CTNND2: variants seen among roughly 807,000 people sequenced by gnomAD.
CTNND2 encodes catenin delta-2.
CTNND2 carries 22 observed loss-of-function variants against 144.4 expected under a neutral mutation model. The observed-to-expected ratio is 0.15, with a 90% CI of 0.11 to 0.22. The LOEUF (loss-of-function observed/expected upper bound fraction) is 0.22, where lower values mean the gene tolerates loss of function less well. Among genes scored for constraint, CTNND2 ranks in the 10% least tolerant of loss-of-function variants. CTNND2 has a pLI of 1.00. For synonymous variants in CTNND2, 751 were observed against 695.6 expected, an observed-to-expected ratio of 1.08 and a Z score of -1.25; for missense variants, 1,353 against 1,618.8, an observed-to-expected ratio of 0.84 and a Z score of 2.82.
intron 8 of CTNND2, among the ~76,000 whole-genome samples, chr5:11,361,488 CCCG>C (rs1756447647): frequency 1.3e-5 from 2 of 152,186 alleles, no homozygotes; most frequent in Admixed American, 1.3e-4. Flanking sequence ...TTCCACACAA[CCCG>C]TGTGACCTTC....
chr5:11,488,954 C>A (rs2149989792), intron 3 of CTNND2, among the ~76,000 whole-genome samples: 1 of 152,266 alleles, frequency 6.6e-6, no homozygotes, highest in Admixed American at 6.5e-5. Context: ...TTTAAGCATT[C>A]ACTAGTTGAG....
rs990721673 is a variant in CTNND2 at position 11,271,679 on chromosome 5, G to A, written c.1629-34856C>T. Reference sequence around the variant, plus strand: ...AGGGAATGATGGGCTTAGATGATACGCTGCAAAGGATTATGTTGTACCTTT... The same window carrying A: ...AGGGAATGATGGGCTTAGATGATACACTGCAAAGGATTATGTTGTACCTTT... On this transcript the variant is annotated intron_variant, in intron 9 of 21. Transcript: ENST00000304623. Among the ~76,000 whole-genome samples, 109 of 152,242 alleles carry A rather than the reference G, an allele frequency of 7.2e-4. 1 individual carries two copies. The highest frequency in any genetic ancestry group is 2.4e-3 in the African/African-American group (100 of 41,554).
intron 2 of CTNND2, among the ~76,000 whole-genome samples, chr5:11,718,168 G>C (rs1293802163): frequency 6.6e-6 from 1 of 152,120 alleles, no homozygotes; most frequent in Admixed American, 6.5e-5. Context: ...CCATATTCCA[G>C]GCACTACGAC....
rs151270671 is a variant in CTNND2, at chr5:10,988,153, C to T, written c.3301G>A (p.Gly1101Arg). The T allele has an allele frequency of 3.7e-6, 6 of 1,614,198 alleles. No homozygotes were observed. Among genetic ancestry groups the T allele is most frequent in the African/African-American group, 1.3e-5 (1 of 75,058 alleles). The change falls in exon 20 of 22, where the codon GGA becomes AGA. Residue 1101 changes from glycine (G) to arginine (R), a missense_variant. By Grantham distance (125) the Gly-to-Arg change is moderately radical. Around this residue, in one of 4 missense-constraint regions of CTNND2, gnomAD observed 459 missense variants for 674.3 expected, o/e 0.68. Coordinates refer to ENST00000304623, the MANE Select transcript of CTNND2 (RefSeq NM_001332.4). This position sits in a 1 kb window ranked among gnomAD's most constrained non-coding sequence, Gnocchi z 5.9. ...ECTGSNATYH[G>R]AKGEHTSRKD... ...CTGGAAGTGTGTTCGCCTTTAGCTC[C>T]GTGGTAGGTGGCGTTGCTGCCGGTG...
chr5:11,401,837 C>T (rs1469587844), intron 5 of CTNND2, among the ~76,000 whole-genome samples: 1 of 152,148 alleles, frequency 6.6e-6, no homozygotes, highest in African/African-American at 2.4e-5. Context: ...TCTGTCACAA[C>T]AAATTGTAAT....
intron 1 of CTNND2, among the ~76,000 whole-genome samples, chr5:11,844,393 CAT>C (rs767175615): frequency 5.9e-5 from 9 of 151,956 alleles, no homozygotes; most frequent in South Asian, 2.1e-4. Flanking sequence ...CACACACACA[CAT>C]ACACACACAT....
chr5:11,133,384 C>T (rs1235960788), intron 12 of CTNND2, among the ~76,000 whole-genome samples: 2 of 151,934 alleles, frequency 1.3e-5, no homozygotes, highest in Non-Finnish European at 2.9e-5. Flanking sequence ...CGCAGTTTCA[C>T]TCTTGTTGCC....
chr5:11,686,716 T>C (rs1418789264), intron 2 of CTNND2, among the ~76,000 whole-genome samples: 6 of 150,162 alleles, frequency 4.0e-5, no homozygotes, highest in Admixed American at 4.0e-4. Context: ...AAGTAATGCA[T>C]ATATAATTTT....
At chr5:11,443,219 G>GTGTGTA (rs1764443319) in intron 3 of CTNND2, among the ~76,000 whole-genome samples, 1 of 119,440 alleles carries the variant, frequency 8.4e-6, no homozygotes, top group Non-Finnish European at 1.8e-5. Flanking sequence ...TGTGTGTGTG[G>GTGTGTA]TGTGTATGTG....
chr5:11,870,524 C>CTT (rs1230443129), intron 1 of CTNND2, among the ~76,000 whole-genome samples: 1 of 152,222 alleles, frequency 6.6e-6, no homozygotes, highest in African/African-American at 2.4e-5. Flanking sequence ...AATTCCCTGA[C>CTT]TTAAGTAAGC....
intron 17 of CTNND2, among the ~76,000 whole-genome samples, chr5:11,018,335 C>A (rs545948648): frequency 1.0e-3 from 157 of 152,228 alleles, no homozygotes; most frequent in African/African-American, 3.6e-3. Flanking sequence ...TTCCATAAGA[C>A]AAAACAATGT....
intron 2 of CTNND2, among the ~76,000 whole-genome samples, chr5:11,602,160 T>A (rs1779827321): frequency 6.6e-6 from 1 of 152,074 alleles, no homozygotes; most frequent in Admixed American, 6.6e-5. Context: ...ATTTTATTAT[T>A]ATAAAATACT....
At chr5:11,167,213 G>A (rs1214382577) in intron 11 of CTNND2, among the ~76,000 whole-genome samples, 2 of 152,152 alleles carry the variant, frequency 1.3e-5, no homozygotes, top group Non-Finnish European at 1.5e-5. Context: ...TGAAGAGAGA[G>A]AATTGGAGTG....
intron 9 of CTNND2, among the ~76,000 whole-genome samples, chr5:11,277,282 G>A (rs1402157426): frequency 6.6e-6 from 1 of 151,708 alleles, no homozygotes; most frequent in Non-Finnish European, 1.5e-5. Flanking sequence ...CCCTTTTACT[G>A]AGAACAACAG....
intron 1 of CTNND2, among the ~76,000 whole-genome samples, chr5:11,759,908 G>A (rs1262326160): frequency 6.6e-6 from 1 of 151,956 alleles, no homozygotes; most frequent in Non-Finnish European, 1.5e-5. Context: ...ATGGCCTATG[G>A]TTCAGTCACT....
At chr5:11,525,449 GAGGTTA>G (rs1282994096) in intron 3 of CTNND2, among the ~76,000 whole-genome samples, 2 of 151,722 alleles carry the variant, frequency 1.3e-5, no homozygotes, top group African/African-American at 4.8e-5. Context: ...AATTTAGGAA[GAGGTTA>G]AATTTAAACA....
intron 3 of CTNND2, among the ~76,000 whole-genome samples, chr5:11,545,073 G>C (rs1775099084): frequency 7.6e-6 from 1 of 131,604 alleles, no homozygotes. Context: ...AGTGAGCCAA[G>C]ATCACGCCAC....
At chr5:11,718,046 T>C (rs1786454576) in intron 2 of CTNND2, among the ~76,000 whole-genome samples, 1 of 152,228 alleles carries the variant, frequency 6.6e-6, no homozygotes, top group African/African-American at 2.4e-5. Flanking sequence ...ATTTCGCACA[T>C]TCAATTCAAT....
At chr5:11,241,525 G>A (rs1444331577) in intron 9 of CTNND2, among the ~76,000 whole-genome samples, 2 of 152,182 alleles carry the variant, frequency 1.3e-5, no homozygotes, top group Non-Finnish European at 2.9e-5. Context: ...AGTCCCTCAG[G>A]ACTCAGTCAC....
Sources: gnomAD v4.1 joint callset for allele counts (sites outside exome capture counted in the v4.1 genomes callset) on GRCh38, gnomAD v4.1.1 for gene constraint, gnomAD v4.1.1 regional missense constraint, Gnocchi (gnomAD v3.1) non-coding constraint, MANE v1.5 for transcripts, NCBI Gene and HGNC (gene_info 2026-07-23, HGNC 2026-07-21) for gene names.